PDZRN4: variants seen among roughly 807,000 people sequenced by gnomAD.
PDZRN4 encodes the protein PDZ domain containing ring finger 4, also known as PDZ domain-containing RING finger protein 4.
PDZRN4 carries 70 observed loss-of-function variants against 99.0 expected under a neutral mutation model. The ratio of observed to expected loss-of-function variants is 0.71; its 90% CI spans 0.58 to 0.86. The LOEUF (loss-of-function observed/expected upper bound fraction) is 0.86, where lower values mean the gene tolerates loss of function less well. Ranked by LOEUF, PDZRN4 falls within the 40% of genes least tolerant of loss-of-function variation. PDZRN4 has a pLI of 0.00. For synonymous variants in PDZRN4, 551 were observed against 501.6 expected (o/e 1.10, Z -1.32); for missense variants, 1,474 against 1,331.2 (o/e 1.11, Z -1.67).
intron 3 of PDZRN4, among the ~76,000 whole-genome samples, chr12:41,282,043 G>A (rs780122893): frequency 9.9e-5 from 15 of 152,170 alleles, no homozygotes; most frequent in South Asian, 4.2e-4. Flanking sequence ...AAATGTAACC[G>A]TGCTAAATGC....
chr12:41,196,207 A>G (rs1042491282), intron 3 of PDZRN4, among the ~76,000 whole-genome samples: 10 of 152,234 alleles, frequency 6.6e-5, no homozygotes, highest in Non-Finnish European at 1.3e-4. Flanking sequence ...CCTTATTTAA[A>G]CCCTGTAAGA....
rs77300365 is a variant in PDZRN4, at chr12:41,446,078, G to A, written c.844-60378G>A. 1.2e-3 allele frequency among the ~76,000 whole-genome samples: 185 copies of A among 152,008 alleles called. No homozygotes were observed. In the East Asian group the frequency reaches 0.022, roughly 18 times the overall value. ...GCTTCCCTCAACAAAAAGCTTAAAAGGTAGCAGCCCCATATTCTCCTGTAT... is the reference window on the plus strand; with the variant it reads ...GCTTCCCTCAACAAAAAGCTTAAAAAGTAGCAGCCCCATATTCTCCTGTAT... On this transcript the variant is annotated intron_variant, in intron 3 of 9. Transcript: ENST00000402685.
intron 3 of PDZRN4, among the ~76,000 whole-genome samples, chr12:41,255,200 G>C (rs1951195987): frequency 6.6e-6 from 1 of 152,116 alleles, no homozygotes; most frequent in African/African-American, 2.4e-5. Context: ...AGAGTATAGA[G>C]TGCACAGTGG....
intron 3 of PDZRN4, among the ~76,000 whole-genome samples, chr12:41,293,713 T>C (rs1353793767): frequency 6.6e-6 from 1 of 152,186 alleles, no homozygotes; most frequent in African/African-American, 2.4e-5. Flanking sequence ...TTTAGTGTAA[T>C]GGCTGAAGGT....
intron 3 of PDZRN4, among the ~76,000 whole-genome samples, chr12:41,257,973 T>C (rs1334257323): frequency 2.0e-5 from 3 of 152,200 alleles, no homozygotes; most frequent in Admixed American, 6.5e-5. Context: ...CAACAAACTT[T>C]AGAGTAAGTA....
intron 3 of PDZRN4, among the ~76,000 whole-genome samples, chr12:41,362,980 A>C (rs185849434): frequency 6.6e-6 from 1 of 152,204 alleles, no homozygotes; most frequent in East Asian, 1.9e-4. Context: ...TTTTCTTTCC[A>C]GAGAAAAGTA....
At chr12:41,489,190 G>T (rs1937833757) in intron 3 of PDZRN4, among the ~76,000 whole-genome samples, 1 of 152,096 alleles carries the variant, frequency 6.6e-6, no homozygotes, top group South Asian at 2.1e-4. Context: ...AAGCCAAAAG[G>T]TTGGACACCT....
intron 3 of PDZRN4, among the ~76,000 whole-genome samples, chr12:41,457,953 G>A (rs752864285): frequency 1.2e-4 from 19 of 152,126 alleles, no homozygotes; most frequent in Non-Finnish European, 2.1e-4. Flanking sequence ...ATTATATAGT[G>A]AGACAAAATA....
intron 3 of PDZRN4, chr12:41,477,999 A>G: frequency 2.2e-6 from 2 of 899,016 alleles, no homozygotes; most frequent in Non-Finnish European, 3.5e-6. Flanking sequence ...TGATATAGAT[A>G]AGAGGACAAA....
At chr12:41,267,971 G>C (rs1951290067) in intron 3 of PDZRN4, among the ~76,000 whole-genome samples, 1 of 152,166 alleles carries the variant, frequency 6.6e-6, no homozygotes, top group Non-Finnish European at 1.5e-5. Flanking sequence ...TTGCTTCCAT[G>C]GTGGCCCAGG....
chr12:41,190,083 T>A (rs1234345713), intron 1 of PDZRN4, among the ~76,000 whole-genome samples: 1 of 152,176 alleles, frequency 6.6e-6, no homozygotes, highest in Non-Finnish European at 1.5e-5. Context: ...TTTAGCAGAA[T>A]TTGCGCACCA....
At chr12:41,477,356 C>G (rs1251696989) in intron 3 of PDZRN4, among the ~76,000 whole-genome samples, 1 of 152,168 alleles carries the variant, frequency 6.6e-6, no homozygotes, top group Non-Finnish European at 1.5e-5. Context: ...TGAAGGCACT[C>G]ACGGGAATGA....
At chr12:41,510,258 T>C (rs1938283982) in intron 5 of PDZRN4, among the ~76,000 whole-genome samples, 1 of 152,150 alleles carries the variant, frequency 6.6e-6, no homozygotes, top group African/African-American at 2.4e-5. Context: ...TTTACTATTT[T>C]CATTTGTTGT....
intron 3 of PDZRN4, among the ~76,000 whole-genome samples, chr12:41,222,207 G>A (rs1040050204): frequency 2.0e-5 from 3 of 152,136 alleles, no homozygotes; most frequent in African/African-American, 7.2e-5. Context: ...GGGCCATATG[G>A]TATTTTTTGC....
intron 3 of PDZRN4, among the ~76,000 whole-genome samples, chr12:41,198,352 G>T (rs2120655396): frequency 6.6e-6 from 1 of 152,122 alleles, no homozygotes; most frequent in Non-Finnish European, 1.5e-5. Context: ...GCAGCTCCAG[G>T]CCAATGTTGT....
intron 3 of PDZRN4, among the ~76,000 whole-genome samples, chr12:41,314,768 A>G (rs374231914): frequency 1.3e-5 from 2 of 150,102 alleles, no homozygotes; most frequent in Non-Finnish European, 3.0e-5. Flanking sequence ...TGTTTTTCCC[A>G]TTCAGATATT....
chr12:41,504,598 C>G (rs764173540), intron 3 of PDZRN4, among the ~76,000 whole-genome samples: 42 of 152,084 alleles, frequency 2.8e-4, no homozygotes, highest in Admixed American at 8.5e-4. Flanking sequence ...TTTCTTATAT[C>G]ATCTGCTGTC....
chr12:41,199,354 A>G (rs1252965097), intron 3 of PDZRN4, among the ~76,000 whole-genome samples: 3 of 152,186 alleles, frequency 2.0e-5, no homozygotes, highest in Non-Finnish European at 4.4e-5. Flanking sequence ...AAGTCAAAAA[A>G]CAATAGATGT....
chr12:41,258,610 C>A (rs1951218139), intron 3 of PDZRN4, among the ~76,000 whole-genome samples: 1 of 152,040 alleles, frequency 6.6e-6, no homozygotes, highest in Non-Finnish European at 1.5e-5. Context: ...AAATTAAGTA[C>A]CAAAAACGTG....
Sources: gnomAD v4.1 joint callset for allele counts (sites outside exome capture counted in the v4.1 genomes callset) on GRCh38, gnomAD v4.1.1 for gene constraint, MANE v1.5 for transcripts, NCBI Gene and HGNC (gene_info 2026-07-23, HGNC 2026-07-21) for gene names.